KIAA1755: variants seen among roughly 807,000 people sequenced by gnomAD.
KIAA1755 encodes uncharacterized protein KIAA1755.
In KIAA1755, 68 loss-of-function variants were observed where a neutral mutation model predicts 91.7. The observed-to-expected ratio is 0.74, with a 90% CI of 0.61 to 0.91. The LOEUF (loss-of-function observed/expected upper bound fraction) is 0.91. KIAA1755 is among the 40% of genes least tolerant of loss of function. KIAA1755 has a pLI of 0.00. For missense variants in KIAA1755, 1,535 were observed against 1,494.4 expected, an observed-to-expected ratio of 1.03 and a Z score of -0.45; for synonymous variants, 610 against 604.6, an observed-to-expected ratio of 1.01 and a Z score of -0.13.
In KIAA1755 at chr20:38,228,227, C is replaced by T; in HGVS notation, c.1885G>A (p.Ala629Thr). The T allele has an allele frequency of 6.2e-7, 1 of 1,600,764 alleles. No homozygotes were observed. The highest frequency in any genetic ancestry group is 8.5e-7 in the Non-Finnish European group (1 of 1,174,442). The change falls in exon 6 of 14, where the codon GCC (alanine) becomes ACC (threonine). Residue 629 changes from alanine (A) to threonine (T), a missense_variant. Physicochemically the swap from Ala to Thr is moderately conservative, Grantham distance 58. Coordinates refer to ENST00000279024, the MANE Select transcript of KIAA1755 (RefSeq NM_001029864.2). Reference sequence around the variant, plus strand: ...TCAATCAGGACCGCCAGCCCCTTGGCTTTATCTTCAGGCCTGTGGGTGGTA... The same window carrying T: ...TCAATCAGGACCGCCAGCCCCTTGGTTTTATCTTCAGGCCTGTGGGTGGTA... ...LCTIPRPEDKAKGLAVLIDAR... is the reference protein window; with the variant it reads ...LCTIPRPEDKTKGLAVLIDAR...
intron 13 of KIAA1755, among the ~76,000 whole-genome samples, chr20:38,216,338 C>T (rs1354090817): frequency 6.6e-6 from 1 of 152,230 alleles, no homozygotes; most frequent in Non-Finnish European, 1.5e-5. Context: ...ACAGAGAGTG[C>T]CCTGTCCTCC....
At chr20:38,251,548 G>A (rs955552525) in intron 1 of KIAA1755, among the ~76,000 whole-genome samples, 3 of 151,096 alleles carry the variant, frequency 2.0e-5, no homozygotes, top group African/African-American at 7.3e-5. Context: ...TCTTTGCAAT[G>A]AGCCACTGCT....
At position 38,211,273 on chromosome 20, in the gene KIAA1755, C is replaced by T. The variant is rs931542179; in HGVS notation, c.*1769G>A. ...CCTAGTTGTCCTCCTGTGCCTGGCC[C>T]AGGCCTGCCTCTCTCCCCTTCACAG... On this transcript the variant is annotated 3_prime_UTR_variant, in exon 14 of 14. Coordinates refer to ENST00000279024, the MANE Select transcript of KIAA1755 (RefSeq NM_001029864.2). 5 of 152,372 alleles carry T rather than the reference C, an allele frequency of 3.3e-5. No homozygotes were observed. The highest frequency in any genetic ancestry group is 7.3e-5 in the Non-Finnish European group (5 of 68,172). 9.4% of individuals were successfully genotyped at this position (152,372 alleles called of 1,614,324 possible).
In KIAA1755 at chr20:38,231,269, A is replaced by G; in HGVS notation, c.1804T>C (p.Trp602Arg). ...LLLVSTTEGA[W>R]EAPWCTVSEV... ...GAAACTGTGCACCATGGTGCCTCCC[A>G]GGCCCCCTCTGTAGTTGACACCAGA... Residue 602 changes from tryptophan to arginine, a missense_variant, in exon 5 of 14, where the codon TGG becomes CGG. Transcript: ENST00000279024. The G allele has an allele frequency of 6.2e-7, 1 of 1,612,872 alleles. No individual in the cohort carries two copies. The highest frequency in any genetic ancestry group is 1.1e-5 in the South Asian group (1 of 90,776).
At chr20:38,249,123 G>A (rs530246193) in intron 1 of KIAA1755, among the ~76,000 whole-genome samples, 6 of 152,238 alleles carry the variant, frequency 3.9e-5, no homozygotes, top group African/African-American at 9.6e-5. Context: ...CTAGCCACCC[G>A]TCTCGCCTTC....
rs1183605523 is a variant in KIAA1755, at chr20:38,228,239, G to A, written c.1873C>T (p.Pro625Ser). The A allele has an allele frequency of 1.3e-6, 2 of 1,595,390 alleles. No homozygotes were observed. Among genetic ancestry groups the A allele is most frequent in the African/African-American group, 2.7e-5 (2 of 74,496 alleles). ...LLSYLCTIPR[P>S]EDKAKGLAVL... ...GCCAGCCCCTTGGCTTTATCTTCAG[G>A]CCTGTGGGTGGTAAACAGAATTGAC... Residue 625 changes from proline (P) to serine (S), a missense_variant and splice_region_variant, in exon 6 of 14, where the codon CCT (proline) becomes TCT (serine). Transcript: ENST00000279024.
At chr20:38,222,341 G>A (rs2075673676) in intron 10 of KIAA1755, 108 bp downstream of exon 10, 1 of 1,209,858 alleles carries the variant, frequency 8.3e-7, no homozygotes, top group Non-Finnish European at 1.2e-6. Flanking sequence ...GCAAAGCTGG[G>A]CGCCCTCGGG....
Position 38,219,865 on chromosome 20 carries a change from C to A in KIAA1755, c.2418-97G>T. 2.7e-6 allele frequency: 4 copies of A among 1,482,894 alleles called. No homozygotes were observed. The South Asian group carries it at 5.1e-5, about 19-fold the overall frequency. The allele number at this position is 1,482,894 out of a possible 1,614,324, so 91.9% of individuals were successfully genotyped here. On this transcript the variant is annotated intron_variant, in intron 10 of 13. Coordinates refer to ENST00000279024, the MANE Select transcript of KIAA1755 (RefSeq NM_001029864.2). ...GGCCTGCCCCTCCATCTCTGTGGCC[C>A]CAGCCTGGGTTTCCAGCTAACTTGC...
chr20:38,225,405 T>G, intron 8 of KIAA1755: 1 of 487,696 alleles, frequency 2.1e-6, no homozygotes. Context: ...TATCCCCTGT[T>G]TAGCTGATGA....
chr20:38,223,737 C>T (rs945580746), intron 8 of KIAA1755, 101 bp from the exon 9 acceptor site: 7 of 784,878 alleles, frequency 8.9e-6, no homozygotes, highest in African/African-American at 5.4e-5. Flanking sequence ...GGCAGTGGCT[C>T]TCCAACTCCA....
rs2075462204 is a variant in KIAA1755, at chr20:38,212,321, G to GT, written c.*720_*721insA. ...CCCTGTCTCTGGTGGGGTCGGGGGG[G>GT]GTGGGCGGAAAAGGCAATCCCAGCA... On this transcript the variant is annotated 3_prime_UTR_variant, in exon 14 of 14. Transcript: ENST00000279024. The GT allele has an allele frequency of 6.6e-6, 1 of 150,824 alleles. No homozygotes were observed. The highest frequency in any genetic ancestry group is 2.4e-5 in the African/African-American group (1 of 40,982). The allele number at this position is 150,824 out of a possible 1,614,324, so 9.3% of individuals were successfully genotyped here. A position where few individuals can be genotyped will look rare whatever the true frequency, so the allele number is the denominator to read the frequency against.
chr20:38,241,319 A>G lies in KIAA1755; in HGVS notation c.812T>C (p.Phe271Ser), dbSNP rs753473826. ...FRMDEVVSQD[F>S]EGDYVALLGF... ...TAGGAGAGCCACATAGTCTCCCTCG[A>G]AGTCCTGGCTGACCACCTCGTCCAT... is the stretch of plus-strand genomic sequence containing the variant. The change falls in exon 3 of 14, where the codon TTC (phenylalanine) becomes TCC (serine). Residue 271 changes from phenylalanine to serine, a missense_variant. By Grantham distance (155) the Phe-to-Ser change is radical (BLOSUM62 -2). Coordinates refer to ENST00000279024, the MANE Select transcript of KIAA1755 (RefSeq NM_001029864.2). The G allele has an allele frequency of 6.2e-7, 1 of 1,614,158 alleles. No individual in the cohort carries two copies. Among genetic ancestry groups the G allele is most frequent in the East Asian group, 2.2e-5 (1 of 44,872 alleles).
chr20:38,240,527 G>A (rs1600628642), intron 3 of KIAA1755, 55 bp downstream of exon 3: 2 of 1,421,922 alleles, frequency 1.4e-6, no homozygotes, highest in Non-Finnish European at 1.8e-6. Flanking sequence ...CACCTAAAAT[G>A]TGATCTCAAC....
chr20:38,214,777 C>T (rs2075516140), intron 13 of KIAA1755, among the ~76,000 whole-genome samples: 4 of 152,360 alleles, frequency 2.6e-5, no homozygotes, highest in Admixed American at 1.3e-4. Flanking sequence ...AAAACGTCTG[C>T]AGACTGCAAA....
At chr20:38,242,480 A>G (rs1013961345) in intron 2 of KIAA1755, among the ~76,000 whole-genome samples, 2 of 152,250 alleles carry the variant, frequency 1.3e-5, no homozygotes, top group East Asian at 1.9e-4. Context: ...TGGTAAATCC[A>G]TCATAAATTG....
In KIAA1755 at chr20:38,260,542, G is replaced by C; in HGVS notation, c.-42C>G. ...CGGCGGGCGGCGCGGCTCCTCTCCT[G>C]GGCGCGGGGTCTGTGGGTCCGCGGG... On this transcript the variant is annotated 5_prime_UTR_variant, in exon 1 of 14. Transcript: ENST00000279024. 6.7e-7 allele frequency: 1 copy of C among 1,482,298 alleles called. No individual in the cohort carries two copies. The highest frequency in any genetic ancestry group is 8.9e-7 in the Non-Finnish European group (1 of 1,119,740). The allele number at this position is 1,482,298 out of a possible 1,614,324, so 91.8% of individuals were successfully genotyped here.
rs1267538439 is a variant in KIAA1755, at chr20:38,241,719, C to A, written c.412G>T (p.Glu138Ter). 1 of 1,614,086 alleles carries A rather than the reference C, an allele frequency of 6.2e-7. No homozygotes were observed. Among genetic ancestry groups the A allele is most frequent in the African/African-American group, 1.3e-5 (1 of 74,916 alleles). The change falls in exon 3 of 14, where the codon GAG (glutamate) becomes TAG (stop). Residue 138 changes from glutamate (E) to a stop codon, truncating the protein, a stop_gained. Transcript: ENST00000279024. LOFTEE classifies it high-confidence loss of function. ...GTGAAAAGTATAGGGTAGGCTGGCTCTGGAACAGGCTTCTTGTCCACTGTG... is the reference window on the plus strand; with the variant it reads ...GTGAAAAGTATAGGGTAGGCTGGCTATGGAACAGGCTTCTTGTCCACTGTG... ...LCTVDKKPVP[E>*]PAYPILFTQE...
intron 1 of KIAA1755, among the ~76,000 whole-genome samples, chr20:38,250,462 A>ATATTAT (rs147689166): frequency 0.019 from 2,846 of 147,270 alleles, 33 homozygotes; most frequent in Middle Eastern, 0.076. Context: ...TTCTGTGGTC[A>ATATTAT]TATTATTATT....
rs541636028 is a variant in KIAA1755 at position 38,223,555 on chromosome 20, G to A, written c.2251C>T (p.Pro751Ser). The A allele has an allele frequency of 2.5e-6, 4 of 1,597,706 alleles. No individual in the cohort carries two copies. The highest frequency in any genetic ancestry group is 2.7e-5 in the African/African-American group (2 of 73,786). Reference protein sequence around the residue: ...ASIEEFEKADPPGGMQEATRC... With the variant: ...ASIEEFEKADSPGGMQEATRC... ...AGGCTCACCTGCATCCCCCCAGGGG[G>A]GTCGGCCTTCTCGAATTCCTCGATG... The change falls in exon 9 of 14, where the codon CCC becomes TCC. Residue 751 changes from proline (P) to serine (S), a missense_variant. Transcript: ENST00000279024.
Sources: allele counts gnomAD v4.1 joint callset (sites outside exome capture counted in the v4.1 genomes callset), GRCh38; gene constraint gnomAD v4.1.1; transcripts MANE v1.5; gene names NCBI Gene and HGNC (gene_info 2026-07-23, HGNC 2026-07-21).